Variants in GOT1 observed in about 807,000 individuals in gnomAD.
GOT1 encodes the protein aspartate aminotransferase, cytoplasmic.
GOT1 carries 25 observed loss-of-function variants against 48.2 expected under a neutral mutation model. The ratio of observed to expected loss-of-function variants is 0.52; its 90% CI spans 0.38 to 0.72. The LOEUF (loss-of-function observed/expected upper bound fraction) is 0.72, where lower values mean the gene tolerates loss of function less well. Among genes scored for constraint, GOT1 ranks in the 30% least tolerant of loss-of-function variants. The pLI, the probability that GOT1 is intolerant of heterozygous loss-of-function variation, is 0.00. For synonymous variants in GOT1, 188 were observed against 193.8 expected, an observed-to-expected ratio of 0.97 and a Z score of 0.25; for missense variants, 380 against 520.1, an observed-to-expected ratio of 0.73 and a Z score of 2.62.
chr10:99,423,903 G>A lies in GOT1; in HGVS notation c.119-3098C>T, dbSNP rs1250006636. On this transcript the variant is annotated intron_variant, in intron 1 of 8. Transcript: ENST00000370508. ...ACTCCTGGGCTCAAGCAAACCTCCC[G>A]CCTCGGACTTCCAAAGTGCTGGGAT... is the stretch of plus-strand genomic sequence containing the variant. Among the ~76,000 whole-genome samples, 10 of 151,762 alleles carry A rather than the reference G, an allele frequency of 6.6e-5. No homozygotes were observed. In the East Asian group the frequency reaches 1.2e-3, roughly 18 times the overall value.
intron 7 of GOT1, 33 bp downstream of exon 7, chr10:99,403,436 A>AT: frequency 1.3e-6 from 2 of 1,571,820 alleles, no homozygotes; most frequent in Non-Finnish European, 1.7e-6. Flanking sequence ...TGCACTCCCC[A>AT]CCCCCCGGCC....
chr10:99,406,339 A>C (rs937243000), intron 3 of GOT1, 90 bp from the exon 4 acceptor site: 1 of 864,302 alleles, frequency 1.2e-6, no homozygotes, highest in African/African-American at 1.6e-5. Flanking sequence ...GGGCCCTCCC[A>C]GGCTCAATGT....
At chr10:99,430,314 C>A in intron 1 of GOT1, 134 bp downstream of exon 1, 1 of 1,597,022 alleles carries the variant, frequency 6.3e-7, no homozygotes, top group Non-Finnish European at 8.5e-7. Flanking sequence ...CTTCGTGGAT[C>A]CAGCCTCCTC....
intron 2 of GOT1, among the ~76,000 whole-genome samples, chr10:99,415,150 G>A (rs1176045328): frequency 6.6e-6 from 1 of 152,126 alleles, no homozygotes; most frequent in African/African-American, 2.4e-5. Context: ...AATGAATCCA[G>A]GAGCTGGTTT....
Position 99,429,103 on chromosome 10 carries a change from G to A in GOT1, c.118+1345C>T, listed in dbSNP as rs182901560. Among the ~76,000 whole-genome samples, 3 of 151,308 alleles carry A rather than the reference G, an allele frequency of 2.0e-5. No individual in the cohort carries two copies. In the East Asian group the frequency reaches 5.8e-4, roughly 29 times the overall value. ...CTCGCTCTGTCGCCCAGCCTGGAGT[G>A]CAATGGCACGATCTCGGCTCACTGC... On this transcript the variant is annotated intron_variant, in intron 1 of 8. Coordinates refer to ENST00000370508, the MANE Select transcript of GOT1 (RefSeq NM_002079.3).
intron 1 of GOT1, among the ~76,000 whole-genome samples, chr10:99,421,131 T>C (rs1215658021): frequency 6.6e-6 from 1 of 152,216 alleles, no homozygotes; most frequent in Non-Finnish European, 1.5e-5. Flanking sequence ...AAAAGCACTC[T>C]GCAAAGTAAA....
chr10:99,418,061 A>AAT (rs1554947820), intron 2 of GOT1, among the ~76,000 whole-genome samples: 139 of 149,140 alleles, frequency 9.3e-4, no homozygotes, highest in African/African-American at 2.4e-3. Context: ...TAAAAAAAAA[A>AAT]ATATATATAT....
intron 4 of GOT1, 33 bp downstream of exon 4, chr10:99,406,104 G>A (rs1357119015): frequency 7.2e-7 from 1 of 1,379,662 alleles, no homozygotes; most frequent in South Asian, 1.2e-5. Context: ...CTGACACCAT[G>A]CAATTCTCTA....
At chr10:99,416,202 C>T (rs1206791751) in intron 2 of GOT1, among the ~76,000 whole-genome samples, 1 of 152,184 alleles carries the variant, frequency 6.6e-6, no homozygotes, top group Non-Finnish European at 1.5e-5. Flanking sequence ...CCCATCGTCT[C>T]ACCACAAAAT....
chr10:99,397,541 G>GT lies in GOT1; in HGVS notation c.*5dup. On this transcript the variant is annotated 3_prime_UTR_variant, in exon 9 of 9. Transcript: ENST00000370508. The surrounding 1 kb of genome is among the most constrained non-coding windows in gnomAD (Gnocchi z 5.4). ...ACTTTGGTGGTACTGGACGGGTGGT[G>GT]TTTCTTCACTGGATTTTGGTGACTG... 1 of 1,613,738 alleles carries GT rather than the reference G, an allele frequency of 6.2e-7. No individual in the cohort carries two copies. Among genetic ancestry groups the GT allele is most frequent in the Non-Finnish European group, 8.5e-7 (1 of 1,179,940 alleles).
intron 2 of GOT1, among the ~76,000 whole-genome samples, chr10:99,416,688 G>T (rs113553602): frequency 6.6e-6 from 1 of 152,122 alleles, no homozygotes; most frequent in Non-Finnish European, 1.5e-5. Flanking sequence ...ACACTACAAG[G>T]CTACAGTAAC....
chr10:99,413,316 G>A (rs1225139568), intron 2 of GOT1, among the ~76,000 whole-genome samples: 1 of 152,150 alleles, frequency 6.6e-6, no homozygotes, highest in African/African-American at 2.4e-5. Flanking sequence ...TAGCCGATTC[G>A]ATCAACTGGA....
intron 2 of GOT1, 30 bp from the exon 3 acceptor site, chr10:99,406,879 G>T (rs2032766002): frequency 6.2e-7 from 1 of 1,609,890 alleles, no homozygotes; most frequent in Non-Finnish European, 8.5e-7. Context: ...GTCACAGGCT[G>T]ATAATGGTGA....
At chr10:99,424,032 C>T (rs1160624025) in intron 1 of GOT1, among the ~76,000 whole-genome samples, 1 of 152,162 alleles carries the variant, frequency 6.6e-6, no homozygotes, top group African/African-American at 2.4e-5. Context: ...AAAAAGCCTC[C>T]TTCGCCAGCT....
chr10:99,410,635 G>A (rs969332852), intron 2 of GOT1, among the ~76,000 whole-genome samples: 3 of 152,136 alleles, frequency 2.0e-5, no homozygotes, highest in Non-Finnish European at 2.9e-5. Flanking sequence ...TTAAATACTG[G>A]ATGGCTTCAG....
At chr10:99,408,624 C>T (rs941774869) in intron 2 of GOT1, among the ~76,000 whole-genome samples, 1 of 152,120 alleles carries the variant, frequency 6.6e-6, no homozygotes, top group Non-Finnish European at 1.5e-5. Context: ...GAGGCTGAGA[C>T]GTGAGAATCA....
At chr10:99,415,485 G>A (rs1226799980) in intron 2 of GOT1, among the ~76,000 whole-genome samples, 9 of 152,146 alleles carry the variant, frequency 5.9e-5, no homozygotes, top group African/African-American at 1.7e-4. Context: ...AGGACCAGAC[G>A]GATTCACAGC....
intron 2 of GOT1, among the ~76,000 whole-genome samples, chr10:99,409,702 A>G (rs1326861173): frequency 2.0e-5 from 3 of 152,182 alleles, no homozygotes; most frequent in African/African-American, 7.2e-5. Context: ...GAAAACCCAA[A>G]TGATCATCAC....
At chr10:99,426,367 T>G (rs994719887) in intron 1 of GOT1, among the ~76,000 whole-genome samples, 1 of 152,082 alleles carries the variant, frequency 6.6e-6, no homozygotes, top group Non-Finnish European at 1.5e-5. Flanking sequence ...CTCATCTTCC[T>G]CCTAAGATCG....
Sources: gnomAD v4.1 joint callset for allele counts (sites outside exome capture counted in the v4.1 genomes callset) on GRCh38, gnomAD v4.1.1 for gene constraint, Gnocchi (gnomAD v3.1) non-coding constraint, MANE v1.5 for transcripts, NCBI Gene and HGNC (gene_info 2026-07-23, HGNC 2026-07-21) for gene names.